The following TGIF1 variants were observed in gnomAD, a reference collection of about 807,000 sequenced individuals.
The protein encoded by TGIF1 is TGFB induced factor homeobox 1, also known as homeobox protein TGIF1.
In TGIF1, 4 loss-of-function variants were observed where a neutral mutation model predicts 19.3. That is an observed-to-expected ratio of 0.21 (90% CI 0.10 to 0.47). The LOEUF (loss-of-function observed/expected upper bound fraction) is 0.47. Ranked by LOEUF, TGIF1 falls within the 20% of genes least tolerant of loss-of-function variation. The probability of loss-of-function intolerance (pLI) is 0.98; values close to 1 mark genes in which losing one functional copy is unlikely to be tolerated. For missense variants in TGIF1, 275 were observed against 341.4 expected (o/e 0.81, Z 1.53); for synonymous variants, 122 against 129.3 (o/e 0.94, Z 0.38).
chr18:3,449,048 G>A (rs8090978), upstream of TGIF1, among the ~76,000 whole-genome samples: 4 of 152,080 alleles, frequency 2.6e-5, no homozygotes, highest in African/African-American at 7.3e-5. Context: ...GTAACCACGC[G>A]AAAACTAGAA....
At chr18:3,420,352 C>T (rs556381477) in intron 2 of TGIF1, among the ~76,000 whole-genome samples, 117 of 151,832 alleles carry the variant, frequency 7.7e-4, no homozygotes, top group African/African-American at 2.7e-3. Flanking sequence ...CACTGCACTC[C>T]AGCCTGGGCA....
chr18:3,421,221 T>G (rs1256777832), intron 2 of TGIF1, among the ~76,000 whole-genome samples: 1 of 120,398 alleles, frequency 8.3e-6, no homozygotes, highest in Admixed American at 9.7e-5. Context: ...GTTTATGAGT[T>G]TACTATACTA....
chr18:3,442,783 A>G (rs2082691324), intron 2 of TGIF1, among the ~76,000 whole-genome samples: 1 of 152,216 alleles, frequency 6.6e-6, no homozygotes, highest in Non-Finnish European at 1.5e-5. Context: ...AGAAGAAGAA[A>G]TAAAAATGAC....
rs1421106156 is a variant in TGIF1 at position 3,438,760 on chromosome 18, C to G, written c.-44-17594C>G. ...ACATGTTTCCTGAACCAAAAAAAAT[C>G]AAGGCGCGTAGTCTGACCGGTGCAA... On this transcript the variant is annotated intron_variant, in intron 2 of 3. Coordinates refer to the TGIF1 transcript ENST00000401449. 2.0e-5 allele frequency among the ~76,000 whole-genome samples: 3 copies of G among 152,156 alleles called. 1 individual carries two copies. In the South Asian group the frequency reaches 6.2e-4, roughly 32 times the overall value.
At chr18:3,431,434 C>G (rs955871182) in intron 2 of TGIF1, among the ~76,000 whole-genome samples, 5 of 151,160 alleles carry the variant, frequency 3.3e-5, no homozygotes, top group Non-Finnish European at 7.4e-5. Flanking sequence ...GAGACTGTGT[C>G]TCAAAAAAAA....
At chr18:3,435,930 A>T (rs940808021) in intron 2 of TGIF1, among the ~76,000 whole-genome samples, 15 of 151,362 alleles carry the variant, frequency 9.9e-5, no homozygotes, top group African/African-American at 3.6e-4. Flanking sequence ...GCATGATCAT[A>T]GTTCATAACA....
upstream of TGIF1, chr18:3,447,625 G>C: frequency 5.2e-6 from 6 of 1,152,682 alleles, no homozygotes; most frequent in Non-Finnish European, 7.8e-6. Flanking sequence ...TGGCTGGGGG[G>C]AGGCAGTGGG....
At position 3,451,783 on chromosome 18, in the gene TGIF1, G is replaced by T. The variant is rs566009596; in HGVS notation, c.16+1278G>T. 3.9e-5 allele frequency: 50 copies of T among 1,265,838 alleles called. No individual in the cohort carries two copies. The African/African-American group carries it at 6.8e-4, about 17-fold the overall frequency. The allele number at this position is 1,265,838 out of a possible 1,614,324, so 78.4% of individuals were successfully genotyped here. A position where few individuals can be genotyped will look rare whatever the true frequency, so the allele number is the denominator to read the frequency against. The stretch of plus-strand genomic sequence containing the variant: ...AACTGGCAGTCGTTGTTGGTAGAAC[G>T]CCCTAAGGACCCCTCCCCGCGGGAC... On this transcript the variant is annotated intron_variant, in intron 1 of 2. Coordinates refer to ENST00000343820, the MANE Select transcript of TGIF1 (RefSeq NM_003244.4). The surrounding 1 kb of genome is among the most constrained non-coding windows in gnomAD (Gnocchi z 5.4).
rs1253265982 is a variant in TGIF1 at position 3,450,624 on chromosome 18, G to A, written c.16+119G>A. On this transcript the variant is annotated intron_variant, in intron 1 of 2. Transcript: ENST00000343820. Reference sequence around the variant, plus strand: ...TCCGCCCAGGGGCTCTCATGCTGGAGTGGCGGCCGTGCTCTTTGTTGAGGC... The same window carrying A: ...TCCGCCCAGGGGCTCTCATGCTGGAATGGCGGCCGTGCTCTTTGTTGAGGC... 2.0e-6 allele frequency: 3 copies of A among 1,534,858 alleles called. No individual in the cohort carries two copies. In the Admixed American group the frequency reaches 5.9e-5, roughly 30 times the overall value.
chr18:3,417,138 T>TG (rs919283830), intron 1 of TGIF1, among the ~76,000 whole-genome samples: 13 of 152,134 alleles, frequency 8.5e-5, no homozygotes, highest in African/African-American at 3.1e-4. Flanking sequence ...AGGTTTTATT[T>TG]GTTTTTTGTT....
At chr18:3,434,487 G>C (rs1000150063) in intron 2 of TGIF1, among the ~76,000 whole-genome samples, 1 of 152,092 alleles carries the variant, frequency 6.6e-6, no homozygotes, top group Non-Finnish European at 1.5e-5. Flanking sequence ...GGTGAGGCAA[G>C]ATCATGCCAT....
At chr18:3,452,520 T>C in intron 1 of TGIF1, 1 of 1,316,216 alleles carries the variant, frequency 7.6e-7, no homozygotes, top group Non-Finnish European at 1.1e-6. Flanking sequence ...TCTGAGAAGG[T>C]GGGATTCACG....
At chr18:3,417,000 AAG>A (rs752049466) in intron 1 of TGIF1, among the ~76,000 whole-genome samples, 9 of 152,198 alleles carry the variant, frequency 5.9e-5, no homozygotes, top group Non-Finnish European at 1.2e-4. Flanking sequence ...TTTTTAAAAA[AAG>A]AAATCTCACT....
rs2082906726 is a variant in TGIF1 at position 3,451,009 on chromosome 18, CT to C, written c.16+505del. Among the ~76,000 whole-genome samples the C allele has an allele frequency of 1.3e-5, 2 of 151,100 alleles. No homozygotes were observed. The highest frequency in any genetic ancestry group is 2.1e-4 in the South Asian group (1 of 4,784). On this transcript the variant is annotated intron_variant, in intron 1 of 2. Coordinates refer to ENST00000343820, the MANE Select transcript of TGIF1 (RefSeq NM_003244.4). This position sits in a 1 kb window ranked among gnomAD's most constrained non-coding sequence, Gnocchi z 5.4. ...CCGCCCCCCTACTCCCAGCCGGGCC[CT>C]AGCACTGTTCTTTAGGGATGTGGTG... is the stretch of plus-strand genomic sequence containing the variant.
chr18:3,434,789 G>A (rs1377793690), intron 2 of TGIF1, among the ~76,000 whole-genome samples: 3 of 152,118 alleles, frequency 2.0e-5, no homozygotes, highest in Admixed American at 6.5e-5. Flanking sequence ...AGACAACATC[G>A]AAGACTTCAT....
At chr18:3,425,032 A>G (rs1456080170) in intron 2 of TGIF1, among the ~76,000 whole-genome samples, 1 of 152,250 alleles carries the variant, frequency 6.6e-6, no homozygotes, top group Admixed American at 6.5e-5. Flanking sequence ...CCTGATGTAT[A>G]GCCAGTTGGT....
At chr18:3,441,617 A>C (rs566472980) in intron 2 of TGIF1, among the ~76,000 whole-genome samples, 4 of 152,342 alleles carry the variant, frequency 2.6e-5, no homozygotes, top group Non-Finnish European at 5.9e-5. Context: ...CTGCTTTGAG[A>C]ACCACTATTC....
rs535083928 is a variant in TGIF1 at position 3,451,890 on chromosome 18, G to A, written c.16+1385G>A. ...CGAGACGCCCCGTGAAAGCCGTGCC[G>A]ACCCTTGGGAGGACTGACAGGTCTA... On this transcript the variant is annotated intron_variant, in intron 1 of 2. Transcript: ENST00000343820. The surrounding 1 kb of genome is among the most constrained non-coding windows in gnomAD (Gnocchi z 5.4). 2.7e-6 allele frequency: 4 copies of A among 1,463,046 alleles called. No homozygotes were observed. In the Admixed American group the frequency reaches 7.4e-5, roughly 27 times the overall value. 90.6% of individuals were successfully genotyped at this position (1,463,046 alleles called of 1,614,324 possible).
intron 2 of TGIF1, among the ~76,000 whole-genome samples, chr18:3,441,607 C>A (rs898147374): frequency 6.6e-6 from 1 of 152,168 alleles, no homozygotes; most frequent in Non-Finnish European, 1.5e-5. Context: ...CATACACACC[C>A]TGCTTTGAGA....
Sources: gnomAD v4.1 joint callset for allele counts (sites outside exome capture counted in the v4.1 genomes callset) on GRCh38, gnomAD v4.1.1 for gene constraint, Gnocchi (gnomAD v3.1) non-coding constraint, MANE v1.5 for transcripts, NCBI Gene and HGNC (gene_info 2026-07-23, HGNC 2026-07-21) for gene names.